The following PDE4D variants were observed in gnomAD, a reference collection of about 807,000 sequenced individuals.
PDE4D encodes 3',5'-cyclic-AMP phosphodiesterase 4D.
In PDE4D, 24 loss-of-function variants were observed where a neutral mutation model predicts 87.4. That is an observed-to-expected ratio of 0.27 (90% CI 0.20 to 0.39). The LOEUF (loss-of-function observed/expected upper bound fraction) is 0.39, where lower values mean the gene tolerates loss of function less well. PDE4D is among the 10% of genes least tolerant of loss of function. The pLI is 1.00. For synonymous variants in PDE4D, 384 were observed against 383.2 expected (o/e 1.00, Z -0.02); for missense variants, 714 against 1,041.0 (o/e 0.69, Z 4.32).
chr5:60,276,947 T>C (rs146074972), intron 1 of PDE4D, among the ~76,000 whole-genome samples: 1 of 152,120 alleles, frequency 6.6e-6, no homozygotes, highest in East Asian at 1.9e-4. Context: ...TTGAAGTGAG[T>C]TGCTTCTAGA....
chr5:59,254,840 C>T (rs564639507), intron 1 of PDE4D, among the ~76,000 whole-genome samples: 1 of 152,214 alleles, frequency 6.6e-6, no homozygotes, highest in African/African-American at 2.4e-5. Context: ...TTGAGTGAAA[C>T]ATATTTATGT....
intron 2 of PDE4D, among the ~76,000 whole-genome samples, chr5:60,113,695 C>T (rs369565306): frequency 5.3e-5 from 8 of 152,248 alleles, no homozygotes; most frequent in East Asian, 3.9e-4. Flanking sequence ...GACCCATTCA[C>T]TTCTGCCTAG....
At chr5:59,325,678 T>C (rs1775513245) in intron 1 of PDE4D, among the ~76,000 whole-genome samples, 1 of 152,282 alleles carries the variant, frequency 6.6e-6, no homozygotes, top group Admixed American at 6.5e-5. Context: ...AGATAATTCG[T>C]ATAAGGTAGA....
chr5:60,281,879 C>T (rs374073864), intron 1 of PDE4D, among the ~76,000 whole-genome samples: 2 of 151,728 alleles, frequency 1.3e-5, no homozygotes, highest in East Asian at 1.9e-4. Flanking sequence ...TCTACAAAAA[C>T]GTACAAAATT....
intron 1 of PDE4D, among the ~76,000 whole-genome samples, chr5:59,746,367 G>A (rs1452495941): frequency 1.3e-5 from 2 of 152,068 alleles, no homozygotes; most frequent in African/African-American, 2.4e-5. Context: ...GGCAGACCTG[G>A]CCAGTCTGGT....
At chr5:59,058,164 C>T (rs1371799334) in intron 5 of PDE4D, among the ~76,000 whole-genome samples, 5 of 152,138 alleles carry the variant, frequency 3.3e-5, no homozygotes, top group Non-Finnish European at 5.9e-5. Context: ...TGAAACACTT[C>T]CCCTGTTAAG....
intron 5 of PDE4D, among the ~76,000 whole-genome samples, chr5:59,044,987 T>C (rs1322328225): frequency 6.6e-6 from 1 of 152,244 alleles, no homozygotes; most frequent in Non-Finnish European, 1.5e-5. Context: ...CTATGTGCCA[T>C]GCACTTTATT....
chr5:60,303,454 G>A (rs570709821), intron 1 of PDE4D, among the ~76,000 whole-genome samples: 10 of 151,912 alleles, frequency 6.6e-5, no homozygotes, highest in East Asian at 1.9e-4. Flanking sequence ...GACTACAGGC[G>A]CGCGCCACCA....
chr5:59,999,139 T>G (rs1336813601), intron 2 of PDE4D, among the ~76,000 whole-genome samples: 1 of 152,138 alleles, frequency 6.6e-6, no homozygotes, highest in Non-Finnish European at 1.5e-5. Context: ...GAAAAGGCAT[T>G]TCACGTCAAC....
At chr5:59,075,075 AACACACACACACACACACAC>A (rs70973189) in intron 5 of PDE4D, among the ~76,000 whole-genome samples, 62 of 129,876 alleles carry the variant, frequency 4.8e-4, no homozygotes, top group African/African-American at 1.6e-3. Flanking sequence ...AAGCTTACAA[AACACACACACACACACACAC>A]ACACACACAC....
rs1025863885 is a variant in PDE4D, at chr5:59,568,948, C to T, written c.455+324220G>A. ...CATTCATTGTAACAAAAGTATCATACTCATATAAGACTTTAATAAAAGGCA... is the reference window on the plus strand; with the variant it reads ...CATTCATTGTAACAAAAGTATCATATTCATATAAGACTTTAATAAAAGGCA... On this transcript the variant is annotated intron_variant, in intron 1 of 14. Coordinates refer to ENST00000340635, the MANE Select transcript of PDE4D (RefSeq NM_001104631.2). Among the ~76,000 whole-genome samples the T allele has an allele frequency of 5.3e-5, 8 of 152,126 alleles. No individual in the cohort carries two copies. The South Asian group carries it at 6.2e-4, about 12-fold the overall frequency.
intron 2 of PDE4D, among the ~76,000 whole-genome samples, chr5:60,110,969 T>C (rs905256477): frequency 2.6e-5 from 4 of 151,900 alleles, no homozygotes; most frequent in African/African-American, 4.8e-5. Flanking sequence ...CAGCTCATGG[T>C]AGTAAAGTAG....
At chr5:59,877,754 G>A (rs1748822344) in intron 1 of PDE4D, among the ~76,000 whole-genome samples, 1 of 152,064 alleles carries the variant, frequency 6.6e-6, no homozygotes, top group African/African-American at 2.4e-5. Context: ...GGGACAAGGA[G>A]GTTGCAGTGA....
At chr5:60,383,620 C>G (rs1490010933) in intron 1 of PDE4D, among the ~76,000 whole-genome samples, 1 of 152,110 alleles carries the variant, frequency 6.6e-6, no homozygotes, top group Non-Finnish European at 1.5e-5. Flanking sequence ...TGGACTTGTC[C>G]CAGTTCAGAG....
chr5:60,203,093 T>G (rs1742118055), intron 1 of PDE4D, among the ~76,000 whole-genome samples: 1 of 152,202 alleles, frequency 6.6e-6, no homozygotes, highest in African/African-American at 2.4e-5. Flanking sequence ...CTGCCTAGCC[T>G]GCTGAGTAGC....
chr5:59,474,042 T>C lies in PDE4D; in HGVS notation c.456-258074A>G, dbSNP rs151015859. Among the ~76,000 whole-genome samples, 279 of 152,252 alleles carry C rather than the reference T, an allele frequency of 1.8e-3. 1 individual carries two copies. Among genetic ancestry groups the C allele is most frequent in the African/African-American group, 6.1e-3 (252 of 41,564 alleles). ...ATTCATTTTTCTAGAAGAATTTGTGTTGACTAGAATTTTAAATGAAACAGA... is the reference window on the plus strand; with the variant it reads ...ATTCATTTTTCTAGAAGAATTTGTGCTGACTAGAATTTTAAATGAAACAGA... On this transcript the variant is annotated intron_variant, in intron 1 of 14. Coordinates refer to ENST00000340635, the MANE Select transcript of PDE4D (RefSeq NM_001104631.2).
intron 1 of PDE4D, among the ~76,000 whole-genome samples, chr5:59,763,728 T>C (rs1762454951): frequency 1.3e-5 from 2 of 152,206 alleles, no homozygotes; most frequent in South Asian, 4.1e-4. Context: ...CCCTACCAGA[T>C]GAAATCTGAA....
At chr5:59,781,510 G>A (rs1450475152) in intron 1 of PDE4D, among the ~76,000 whole-genome samples, 4 of 151,924 alleles carry the variant, frequency 2.6e-5, no homozygotes, top group East Asian at 1.9e-4. Flanking sequence ...TTCCTGGGCC[G>A]AGCGCAGTGG....
At chr5:60,033,744 T>C (rs981112786) in intron 2 of PDE4D, among the ~76,000 whole-genome samples, 6 of 152,202 alleles carry the variant, frequency 3.9e-5, no homozygotes, top group Non-Finnish European at 8.8e-5. Context: ...TCACACCATC[T>C]GGATGAATCA....
Sources: allele counts gnomAD v4.1 joint callset (sites outside exome capture counted in the v4.1 genomes callset), GRCh38; gene constraint gnomAD v4.1.1; transcripts MANE v1.5; gene names NCBI Gene and HGNC (gene_info 2026-07-23, HGNC 2026-07-21).